The following ZNF652 variants were observed in gnomAD, a reference collection of about 807,000 sequenced individuals.
The protein encoded by ZNF652 is zinc finger protein 652.
ZNF652 carries 16 observed loss-of-function variants against 45.2 expected under a neutral mutation model. The ratio of observed to expected loss-of-function variants is 0.35; its 90% CI spans 0.24 to 0.54. ZNF652 has a LOEUF of 0.54. ZNF652 is among the 20% of genes least tolerant of loss of function. ZNF652 has a pLI of 0.91. For synonymous variants in ZNF652, 250 were observed against 260.6 expected (o/e 0.96, Z 0.39); for missense variants, 614 against 765.6 (o/e 0.80, Z 2.34).
In ZNF652 at chr17:49,298,654, G is replaced by A. The variant is rs149645530; in HGVS notation, c.1580C>T (p.Thr527Ile). ...TACAGGATTCATATTGATTGGAGGG[G>A]TTGGGGTTGTGGCTGTGTTCACCAC... Reference protein sequence around the residue: ...PSVVNTATTPTPPINMNPVST... With the variant: ...PSVVNTATTPIPPINMNPVST... Residue 527 changes from threonine to isoleucine, a missense_variant, in exon 6 of 6, where the codon ACC becomes ATC. Around this residue, in one of 5 missense-constraint regions of ZNF652, gnomAD observed 132 missense variants for 137.2 expected, o/e 0.96. Transcript: ENST00000430262. 3,632 of 1,613,670 alleles carry A rather than the reference G, an allele frequency of 2.3e-3. 66 individuals are homozygous for A. The African/African-American group carries it at 0.041, about 18-fold the overall frequency.
intron 1 of ZNF652, among the ~76,000 whole-genome samples, chr17:49,331,704 G>GA (rs1300790607): frequency 6.6e-6 from 1 of 152,134 alleles, no homozygotes; most frequent in Non-Finnish European, 1.5e-5. Context: ...GATAACATCA[G>GA]AAAATGCTGG....
chr17:49,362,404 CG>C, upstream of ZNF652: 1 of 151,654 alleles, frequency 6.6e-6, no homozygotes, highest in Non-Finnish European at 1.5e-5. Flanking sequence ...CGGGCCGGCC[CG>C]GGCGCACCTT....
intron 1 of ZNF652, among the ~76,000 whole-genome samples, chr17:49,346,153 T>C (rs1210196402): frequency 1.3e-5 from 2 of 152,220 alleles, no homozygotes; most frequent in East Asian, 1.9e-4. Flanking sequence ...CCTAGTTTAC[T>C]GGGAAAAGTC....
intron 5 of ZNF652, among the ~76,000 whole-genome samples, chr17:49,304,469 C>G (rs1849507323): frequency 6.6e-6 from 1 of 151,934 alleles, no homozygotes; most frequent in Admixed American, 6.6e-5. Context: ...TCTCTGAAAC[C>G]TCAAGTTTAA....
At chr17:49,345,972 T>C (rs1479079390) in intron 1 of ZNF652, among the ~76,000 whole-genome samples, 1 of 152,044 alleles carries the variant, frequency 6.6e-6, no homozygotes, top group Non-Finnish European at 1.5e-5. Context: ...ATCAACATCA[T>C]CAAGCCTCAA....
At chr17:49,309,529 A>G (rs2069680357) in intron 5 of ZNF652, among the ~76,000 whole-genome samples, 1 of 151,334 alleles carries the variant, frequency 6.6e-6, no homozygotes, top group African/African-American at 2.4e-5. Context: ...AAAAGAAAGA[A>G]AACCAAAAAA....
intron 2 of ZNF652, among the ~76,000 whole-genome samples, chr17:49,313,218 C>T (rs372230049): frequency 3.3e-5 from 5 of 152,116 alleles, no homozygotes; most frequent in South Asian, 4.1e-4. Flanking sequence ...TGCAGTGGCG[C>T]GATCTAGGCT....
chr17:49,347,735 GTTTTGTTTTTTTTTTTTTT>G (rs2070220381), intron 1 of ZNF652, among the ~76,000 whole-genome samples: 1 of 124,410 alleles, frequency 8.0e-6, no homozygotes, highest in Non-Finnish European at 1.6e-5. Context: ...TTGAACCTTG[GTTTTGTTTTTTTTTTTTTT>G]TTTTTTTTTG....
At chr17:49,360,766 A>C (rs189160198) in intron 1 of ZNF652, among the ~76,000 whole-genome samples, 30 of 152,266 alleles carry the variant, frequency 2.0e-4, no homozygotes, top group African/African-American at 5.8e-4. Flanking sequence ...AAAAATACAC[A>C]TTCTTTCCTG....
At chr17:49,347,740 G>GTTTTTTTTT (rs1181401090) in intron 1 of ZNF652, among the ~76,000 whole-genome samples, 2 of 81,216 alleles carry the variant, frequency 2.5e-5, no homozygotes, top group Non-Finnish European at 5.1e-5. Context: ...CCTTGGTTTT[G>GTTTTTTTTT]TTTTTTTTTT....
chr17:49,307,471 G>A (rs1302591822), intron 5 of ZNF652, among the ~76,000 whole-genome samples: 2 of 137,914 alleles, frequency 1.5e-5, no homozygotes. Flanking sequence ...GCCAGGCACA[G>A]TGGCTCAAGC....
In ZNF652 at chr17:49,292,134, C is replaced by T. The variant is rs1349027584; in HGVS notation, c.*6279G>A. 2.6e-5 allele frequency among the ~76,000 whole-genome samples: 4 copies of T among 152,126 alleles called. No homozygotes were observed. The highest frequency in any genetic ancestry group is 7.2e-5 in the African/African-American group (3 of 41,436). On this transcript the variant is annotated 3_prime_UTR_variant, in exon 6 of 6. Coordinates refer to ENST00000430262, the MANE Select transcript of ZNF652 (RefSeq NM_001145365.3). ...GATTTTAAGTCAGAAAGGAAAAATG[C>T]TGACTAAGGCCCAAATGCTCAACTC... is the stretch of plus-strand genomic sequence containing the variant.
intron 1 of ZNF652, among the ~76,000 whole-genome samples, chr17:49,342,178 C>T (rs2070154679): frequency 6.7e-6 from 1 of 149,472 alleles, no homozygotes; most frequent in South Asian, 2.1e-4. Context: ...AAGAGCAAGA[C>T]TCAGTCTCAA....
rs951396022 is a variant in ZNF652, at chr17:49,334,885, T to C, written c.-258-16902A>G. 2.0e-5 allele frequency among the ~76,000 whole-genome samples: 3 copies of C among 152,080 alleles called. No individual in the cohort carries two copies. In the South Asian group the frequency reaches 6.2e-4, roughly 32 times the overall value. On this transcript the variant is annotated intron_variant, in intron 1 of 5. Coordinates refer to ENST00000430262, the MANE Select transcript of ZNF652 (RefSeq NM_001145365.3). ...AGCCAGACATAACAGGCTACCTAGT[T>C]GTATGACTCTATTTATATGAAACAG...
At chr17:49,356,678 A>G (rs1244297178) in intron 1 of ZNF652, among the ~76,000 whole-genome samples, 2 of 141,614 alleles carry the variant, frequency 1.4e-5, no homozygotes, top group Non-Finnish European at 3.1e-5. Flanking sequence ...TTTATCAGCA[A>G]TCCAATACTA....
chr17:49,299,047 C>T (rs1464694006), intron 5 of ZNF652, 123 bp from the exon 6 acceptor site: 18 of 1,059,400 alleles, frequency 1.7e-5, no homozygotes, highest in Non-Finnish European at 2.1e-5. Flanking sequence ...AACTCCTGGC[C>T]TCAAGTGATC....
chr17:49,338,094 C>T (rs892953664), intron 1 of ZNF652, among the ~76,000 whole-genome samples: 12 of 151,888 alleles, frequency 7.9e-5, no homozygotes, highest in Admixed American at 7.9e-4. Context: ...CTCAAGTAAT[C>T]CTCCCACCTC....
intron 5 of ZNF652, among the ~76,000 whole-genome samples, chr17:49,307,057 G>A (rs1472288458): frequency 2.6e-5 from 4 of 152,048 alleles, no homozygotes; most frequent in Non-Finnish European, 5.9e-5. Flanking sequence ...CTGGCCTGTG[G>A]CTATCTATAA....
chr17:49,328,393 A>ATG (rs1167237752), intron 1 of ZNF652, among the ~76,000 whole-genome samples: 4 of 152,110 alleles, frequency 2.6e-5, no homozygotes, highest in Non-Finnish European at 5.9e-5. Flanking sequence ...ATTACCCTAC[A>ATG]ATAACTTGGA....
Sources: allele counts gnomAD v4.1 joint callset (sites outside exome capture counted in the v4.1 genomes callset), GRCh38; gene constraint gnomAD v4.1.1; regional missense constraint gnomAD v4.1.1; transcripts MANE v1.5; gene names NCBI Gene and HGNC (gene_info 2026-07-23, HGNC 2026-07-21).